Variants in KIAA1328 observed in about 807,000 individuals in gnomAD.
KIAA1328 encodes the protein protein hinderin.
A neutral mutation model predicts 68.1 loss-of-function variants in KIAA1328; 52 were observed. The observed-to-expected ratio is 0.76, with a 90% confidence interval of 0.61 to 0.96. The LOEUF (loss-of-function observed/expected upper bound fraction) is 0.96, where lower values mean the gene tolerates loss of function less well. KIAA1328 is among the 40% of genes least tolerant of loss of function. The pLI is 0.00. For missense variants in KIAA1328, 641 were observed against 677.6 expected, an observed-to-expected ratio of 0.95 and a Z score of 0.60; for synonymous variants, 232 against 239.4, an observed-to-expected ratio of 0.97 and a Z score of 0.28.
intron 4 of KIAA1328, among the ~76,000 whole-genome samples, chr18:36,875,478 G>A (rs1480751144): frequency 2.0e-5 from 3 of 152,056 alleles, no homozygotes; most frequent in East Asian, 1.9e-4. Flanking sequence ...GTCTATTATT[G>A]GTGTATAGGA....
At chr18:37,119,092 A>G (rs918513999) in intron 7 of KIAA1328, among the ~76,000 whole-genome samples, 4 of 152,330 alleles carry the variant, frequency 2.6e-5, no homozygotes, top group East Asian at 3.9e-4. Context: ...AAACAATGCT[A>G]TGTGAACTGC....
chr18:36,980,803 G>C (rs547524713), intron 6 of KIAA1328, among the ~76,000 whole-genome samples: 1 of 152,264 alleles, frequency 6.6e-6, no homozygotes, highest in Admixed American at 6.5e-5. Context: ...CATGAGTTCT[G>C]ACAGTATTAT....
chr18:36,837,067 T>G (rs1199235401), intron 3 of KIAA1328, among the ~76,000 whole-genome samples: 1 of 152,204 alleles, frequency 6.6e-6, no homozygotes, highest in Non-Finnish European at 1.5e-5. Flanking sequence ...ATCATTCATA[T>G]ACAAGTTTTT....
intron 6 of KIAA1328, among the ~76,000 whole-genome samples, chr18:36,999,960 A>T (rs2053528620): frequency 6.6e-6 from 1 of 152,152 alleles, no homozygotes; most frequent in Non-Finnish European, 1.5e-5. Flanking sequence ...AGAATATATA[A>T]GACAATCAGA....
chr18:37,224,939 A>G lies in KIAA1328; in HGVS notation c.*2712A>G, dbSNP rs1288845365. The G allele has an allele frequency of 4.1e-6, 4 of 985,488 alleles. No homozygotes were observed. The highest frequency in any genetic ancestry group is 4.8e-6 in the Non-Finnish European group (4 of 829,948). 61.0% of individuals were successfully genotyped at this position (985,488 alleles called of 1,614,324 possible). A position where few individuals can be genotyped will look rare whatever the true frequency, so the allele number is the denominator to read the frequency against. On this transcript the variant is annotated 3_prime_UTR_variant, in exon 10 of 10. Transcript: ENST00000280020. ...CCCACAGTTCTTGATGCAGAGAACC[A>G]AAGTGAATCATAGAAAAGCTTTTGC...
At chr18:37,024,814 TGTGAATA>T (rs1275684727) in intron 6 of KIAA1328, among the ~76,000 whole-genome samples, 26 of 152,188 alleles carry the variant, frequency 1.7e-4, no homozygotes, top group Admixed American at 1.7e-3. Context: ...TCTTTGCTAT[TGTGAATA>T]GTGATGCAAA....
intron 4 of KIAA1328, among the ~76,000 whole-genome samples, chr18:36,867,671 G>A (rs1250260783): frequency 6.6e-6 from 1 of 152,166 alleles, no homozygotes; most frequent in East Asian, 1.9e-4. Context: ...GTCCTCTTTA[G>A]TTAGTATTTT....
intron 9 of KIAA1328, among the ~76,000 whole-genome samples, chr18:37,176,305 G>C (rs574968741): frequency 1.3e-5 from 2 of 152,130 alleles, no homozygotes; most frequent in African/African-American, 2.4e-5. Context: ...TGCTTTTAAG[G>C]TTCAATAATA....
intron 7 of KIAA1328, among the ~76,000 whole-genome samples, chr18:37,156,631 T>G (rs897076519): frequency 6.6e-6 from 1 of 151,976 alleles, no homozygotes; most frequent in Non-Finnish European, 1.5e-5. Context: ...ATTAGGAAAT[T>G]TATTAAAAAG....
chr18:37,092,686 A>G (rs773941418), intron 7 of KIAA1328, among the ~76,000 whole-genome samples: 11 of 152,100 alleles, frequency 7.2e-5, no homozygotes, highest in Non-Finnish European at 1.6e-4. Context: ...GCAAATGTGC[A>G]CATATCCCAG....
intron 5 of KIAA1328, among the ~76,000 whole-genome samples, chr18:36,933,937 A>G (rs2050405526): frequency 6.6e-6 from 1 of 152,184 alleles, no homozygotes; most frequent in Non-Finnish European, 1.5e-5. Flanking sequence ...TTTGGGGGAT[A>G]GGCGCCTGTG....
intron 5 of KIAA1328, among the ~76,000 whole-genome samples, chr18:36,920,648 C>T (rs1325649432): frequency 6.6e-6 from 1 of 152,184 alleles, no homozygotes; most frequent in African/African-American, 2.4e-5. Context: ...GATATGGCCT[C>T]TCTGAGGACC....
chr18:37,147,247 A>G (rs964845054), intron 7 of KIAA1328, among the ~76,000 whole-genome samples: 2 of 152,228 alleles, frequency 1.3e-5, no homozygotes, highest in African/African-American at 4.8e-5. Flanking sequence ...ACAGACAAAG[A>G]CAGTGGCCAG....
At chr18:37,175,910 AG>A in intron 9 of KIAA1328, among the ~76,000 whole-genome samples, 1 of 152,284 alleles carries the variant, frequency 6.6e-6, no homozygotes, top group Non-Finnish European at 1.5e-5. Context: ...AGTGGGAGAC[AG>A]GTTTTCCTTT....
At chr18:37,170,086 T>G (rs1047603533) in intron 8 of KIAA1328, among the ~76,000 whole-genome samples, 3 of 152,250 alleles carry the variant, frequency 2.0e-5, no homozygotes, top group African/African-American at 7.2e-5. Flanking sequence ...CCCAGGATTC[T>G]ACCCAGACAA....
chr18:37,067,535 G>T lies in KIAA1328; in HGVS notation c.1222G>T (p.Asp408Tyr), dbSNP rs2056384686. 6.5e-7 allele frequency: 1 copy of T among 1,526,734 alleles called. No individual in the cohort carries two copies. The highest frequency in any genetic ancestry group is 1.4e-5 in the African/African-American group (1 of 72,158). 94.6% of individuals were successfully genotyped at this position (1,526,734 alleles called of 1,614,324 possible). The change falls in exon 7 of 10, where the codon GAT becomes TAT. Residue 408 changes from aspartate to tyrosine, a missense_variant. By Grantham distance (160) the Asp-to-Tyr change is radical (BLOSUM62 -3). Coordinates refer to ENST00000280020, the MANE Select transcript of KIAA1328 (RefSeq NM_020776.3). Reference protein sequence around the residue: ...KQQQLHQSRLDYNCLLKSNCD... With the variant: ...KQQQLHQSRLYYNCLLKSNCD... The stretch of plus-strand genomic sequence containing the variant: ...GCAGCAGCTTCACCAGTCTCGACTG[G>T]ATTACAATTGGTGAGTACTGCCTGT...
intron 5 of KIAA1328, among the ~76,000 whole-genome samples, chr18:36,913,537 A>C (rs1324984577): frequency 8.8e-5 from 3 of 34,246 alleles, no homozygotes; most frequent in South Asian, 2.6e-3. Flanking sequence ...GAGGAAAGCA[A>C]CTGCCTACAC....
chr18:37,061,236 G>C (rs1046812058), intron 6 of KIAA1328, among the ~76,000 whole-genome samples: 115 of 152,294 alleles, frequency 7.6e-4, no homozygotes, highest in African/African-American at 2.6e-3. Context: ...ACAAAAGAGT[G>C]ACATACTCTA....
chr18:36,938,812 T>C (rs1309099946), intron 5 of KIAA1328, among the ~76,000 whole-genome samples: 1 of 152,232 alleles, frequency 6.6e-6, no homozygotes, highest in Non-Finnish European at 1.5e-5. Flanking sequence ...GGATATCCAG[T>C]ATTCCCAATA....
Sources: allele counts gnomAD v4.1 joint callset (sites outside exome capture counted in the v4.1 genomes callset), GRCh38; gene constraint gnomAD v4.1.1; transcripts MANE v1.5; gene names NCBI Gene and HGNC (gene_info 2026-07-23, HGNC 2026-07-21).